The following ATRNL1 variants were observed in gnomAD, a reference collection of about 807,000 sequenced individuals.
The protein encoded by ATRNL1 is attractin-like protein 1.
A neutral mutation model predicts 182.7 loss-of-function variants in ATRNL1; 95 were observed. The ratio of observed to expected loss-of-function variants is 0.52; its 90% CI spans 0.44 to 0.62. ATRNL1 has a LOEUF of 0.62. Among genes scored for constraint, ATRNL1 ranks in the 20% least tolerant of loss-of-function variants. ATRNL1 has a pLI of 0.00. For missense variants in ATRNL1, 1,471 were observed against 1,679.5 expected (o/e 0.88, Z 2.17); for synonymous variants, 576 against 568.3 (o/e 1.01, Z -0.19).
At chr10:115,528,294 A>G (rs911826731) in intron 25 of ATRNL1, among the ~76,000 whole-genome samples, 3 of 151,952 alleles carry the variant, frequency 2.0e-5, no homozygotes, top group South Asian at 4.2e-4. Flanking sequence ...TACTGATTCA[A>G]TCTCCTTACT....
intron 21 of ATRNL1, among the ~76,000 whole-genome samples, chr10:115,460,453 G>A (rs376018407): frequency 7.2e-4 from 109 of 151,896 alleles, no homozygotes; most frequent in African/African-American, 2.4e-3. Flanking sequence ...TCTTAAAAAG[G>A]CTGCATTCTT....
rs570671084 is a variant in ATRNL1 at position 115,474,395 on chromosome 10, C to T, written c.3654+5066C>T. 5.3e-5 allele frequency among the ~76,000 whole-genome samples: 8 copies of T among 151,368 alleles called. No individual in the cohort carries two copies. In the South Asian group the frequency reaches 6.2e-4, roughly 12 times the overall value. On this transcript the variant is annotated intron_variant, in intron 24 of 28. Coordinates refer to ENST00000355044, the MANE Select transcript of ATRNL1 (RefSeq NM_207303.4). ...CTGCAATTTTCTTTTTGAGTTTTTA[C>T]GATTGGATTATGATGTGTCCTAGTG...
intron 26 of ATRNL1, among the ~76,000 whole-genome samples, chr10:115,627,493 T>C (rs11818428): frequency 0.013 from 1,909 of 152,066 alleles, 39 homozygotes; most frequent in African/African-American, 0.044. Context: ...GCCTCCCGAG[T>C]AACTGAGATT....
intron 5 of ATRNL1, among the ~76,000 whole-genome samples, chr10:115,142,911 C>T (rs1554878386): frequency 6.6e-6 from 1 of 152,084 alleles, no homozygotes; most frequent in Non-Finnish European, 1.5e-5. Flanking sequence ...ACAGAGTTGT[C>T]ATCAACTAAT....
chr10:115,833,948 T>C (rs1555094572), intron 27 of ATRNL1, among the ~76,000 whole-genome samples: 1 of 152,212 alleles, frequency 6.6e-6, no homozygotes, highest in Non-Finnish European at 1.5e-5. Context: ...TCTGGATAAT[T>C]CCCTGATGGG....
intron 26 of ATRNL1, among the ~76,000 whole-genome samples, chr10:115,633,042 ACTG>A (rs1858619140): frequency 3.3e-5 from 5 of 151,746 alleles, no homozygotes; most frequent in Non-Finnish European, 7.4e-5. Flanking sequence ...ACAGGCATGC[ACTG>A]CCACACCCGG....
chr10:115,259,944 T>C (rs982548497), intron 10 of ATRNL1, among the ~76,000 whole-genome samples: 4 of 152,350 alleles, frequency 2.6e-5, no homozygotes, highest in South Asian at 2.1e-4. Flanking sequence ...AAATATTTTA[T>C]TGAACAGCAC....
intron 27 of ATRNL1, among the ~76,000 whole-genome samples, chr10:115,764,549 G>C (rs1346372138): frequency 6.6e-6 from 1 of 152,116 alleles, no homozygotes; most frequent in Non-Finnish European, 1.5e-5. Context: ...TTTCCAGAAT[G>C]TAATATAGTT....
intron 28 of ATRNL1, among the ~76,000 whole-genome samples, chr10:115,893,462 A>G (rs777178937): frequency 6.6e-6 from 1 of 152,256 alleles, no homozygotes; most frequent in Non-Finnish European, 1.5e-5. Flanking sequence ...TGCTCCTTCT[A>G]TAAAACTGAA....
intron 28 of ATRNL1, among the ~76,000 whole-genome samples, chr10:115,880,236 A>AG (rs782721447): frequency 2.0e-5 from 3 of 152,330 alleles, no homozygotes; most frequent in South Asian, 2.1e-4. Flanking sequence ...CAGAGATCTG[A>AG]GACAGTGGGG....
At chr10:115,156,570 C>G (rs1846528250) in intron 5 of ATRNL1, among the ~76,000 whole-genome samples, 1 of 152,078 alleles carries the variant, frequency 6.6e-6, no homozygotes, top group Admixed American at 6.6e-5. Context: ...TAAAAAATCT[C>G]TCAGCAGCCC....
chr10:115,388,675 T>C (rs1843803352), intron 19 of ATRNL1, among the ~76,000 whole-genome samples: 1 of 152,036 alleles, frequency 6.6e-6, no homozygotes, highest in South Asian at 2.1e-4. Context: ...ATAATGTGTA[T>C]CATATTATAT....
Position 115,337,622 on chromosome 10 carries a change from C to T in ATRNL1, c.3175+3203C>T, listed in dbSNP as rs577733983. Among the ~76,000 whole-genome samples, 8 of 152,104 alleles carry T rather than the reference C, an allele frequency of 5.3e-5. No individual in the cohort carries two copies. The East Asian group carries it at 5.8e-4, about 11-fold the overall frequency. ...TTCAATTGTTTTGCTTTTTAGATTC[C>T]GCAAATAAGTGAGAACATGCAATGT... is the stretch of plus-strand genomic sequence containing the variant. On this transcript the variant is annotated intron_variant, in intron 19 of 28. Coordinates refer to ENST00000355044, the MANE Select transcript of ATRNL1 (RefSeq NM_207303.4).
intron 24 of ATRNL1, among the ~76,000 whole-genome samples, chr10:115,508,713 G>A (rs1282077881): frequency 6.6e-6 from 1 of 152,048 alleles, no homozygotes; most frequent in Non-Finnish European, 1.5e-5. Flanking sequence ...TCTGAGAGAG[G>A]TGAGGAAGAT....
chr10:115,617,767 G>C (rs568114494), intron 26 of ATRNL1, among the ~76,000 whole-genome samples: 27 of 152,342 alleles, frequency 1.8e-4, no homozygotes, highest in African/African-American at 6.0e-4. Context: ...GTTAAGGCAT[G>C]GAGATTGTTG....
intron 26 of ATRNL1, among the ~76,000 whole-genome samples, chr10:115,669,347 A>C (rs533511643): frequency 6.6e-6 from 1 of 152,132 alleles, no homozygotes; most frequent in Non-Finnish European, 1.5e-5. Flanking sequence ...TATACACTAG[A>C]GTTAGAGTAT....
chr10:115,493,063 A>G (rs561083385), intron 24 of ATRNL1, among the ~76,000 whole-genome samples: 1 of 152,308 alleles, frequency 6.6e-6, no homozygotes, highest in South Asian at 2.1e-4. Flanking sequence ...ACAATTTACA[A>G]TAAAATAAAA....
chr10:115,340,685 A>C (rs1360817727), intron 19 of ATRNL1, among the ~76,000 whole-genome samples: 1 of 151,008 alleles, frequency 6.6e-6, no homozygotes, highest in Non-Finnish European at 1.5e-5. Context: ...GAAACTTTTT[A>C]TTATACCTTC....
chr10:115,426,795 G>C (rs1399613527), intron 21 of ATRNL1, among the ~76,000 whole-genome samples: 3 of 152,186 alleles, frequency 2.0e-5, no homozygotes, highest in Non-Finnish European at 4.4e-5. Context: ...CACAATCTCA[G>C]TTCACTGCAA....
Sources: gnomAD v4.1 joint callset for allele counts (sites outside exome capture counted in the v4.1 genomes callset) on GRCh38, gnomAD v4.1.1 for gene constraint, MANE v1.5 for transcripts, NCBI Gene and HGNC (gene_info 2026-07-23, HGNC 2026-07-21) for gene names.